Variants in MYT1L observed in about 807,000 individuals in gnomAD.
MYT1L encodes myelin transcription factor 1 like.
MYT1L carries 12 observed loss-of-function variants against 126.7 expected under a neutral mutation model. The observed-to-expected ratio is 0.09, with a 90% CI of 0.06 to 0.15. The LOEUF (loss-of-function observed/expected upper bound fraction) is 0.15, where lower values mean the gene tolerates loss of function less well. Among genes scored for constraint, MYT1L ranks in the 10% least tolerant of loss-of-function variants. The probability of loss-of-function intolerance (pLI) is 1.00; values close to 1 mark genes in which losing one functional copy is unlikely to be tolerated. For synonymous variants in MYT1L, 541 were observed against 604.2 expected (o/e 0.90, Z 1.53); for missense variants, 979 against 1,585.2 (o/e 0.62, Z 6.49).
intron 1 of MYT1L, among the ~76,000 whole-genome samples, chr2:2,293,351 C>T (rs1412663685): frequency 2.6e-5 from 4 of 152,176 alleles, no homozygotes; most frequent in South Asian, 2.1e-4. Flanking sequence ...TTCAGAGCTC[C>T]GTCCCCAGTG....
chr2:2,023,592 T>A (rs192252347), intron 4 of MYT1L, among the ~76,000 whole-genome samples: 1 of 149,476 alleles, frequency 6.7e-6, no homozygotes, highest in African/African-American at 2.5e-5. Flanking sequence ...TCGGAGCAGC[T>A]CCCCTGCCCT....
chr2:2,236,076 A>C (rs956572527), intron 2 of MYT1L, among the ~76,000 whole-genome samples: 1 of 151,448 alleles, frequency 6.6e-6, no homozygotes, highest in African/African-American at 2.4e-5. Flanking sequence ...TTACATCCCA[A>C]CCCAACCCAG....
intron 3 of MYT1L, among the ~76,000 whole-genome samples, chr2:2,169,626 T>C (rs2089700570): frequency 6.6e-6 from 1 of 152,196 alleles, no homozygotes; most frequent in African/African-American, 2.4e-5. Flanking sequence ...CCATGTTTGC[T>C]ATGGTTTTTT....
At chr2:2,032,749 A>C (rs2066487945) in intron 4 of MYT1L, among the ~76,000 whole-genome samples, 4 of 99,656 alleles carry the variant, frequency 4.0e-5, no homozygotes, top group African/African-American at 8.3e-5. Context: ...ACCCGTCGCC[A>C]GTGCCTCTCA....
intron 1 of MYT1L, chr2:2,326,566 G>C (rs10187946): frequency 0.27 from 38,772 of 144,640 alleles, 5,153 homozygotes; most frequent in South Asian, 0.42. Context: ...ATTCCCCCCC[G>C]CCAACTTTTC....
At chr2:2,303,629 C>T (rs1004676108) in intron 1 of MYT1L, 1 of 152,144 alleles carries the variant, frequency 6.6e-6, no homozygotes. Flanking sequence ...CTCAGCAGGC[C>T]CCACTGGATA....
intron 8 of MYT1L, among the ~76,000 whole-genome samples, chr2:1,978,279 G>C (rs556555688): frequency 6.6e-6 from 1 of 152,198 alleles, no homozygotes; most frequent in Non-Finnish European, 1.5e-5. Context: ...TTGTGACCTG[G>C]GTCTGCTCAC....
intron 4 of MYT1L, among the ~76,000 whole-genome samples, chr2:2,003,207 T>C (rs540715206): frequency 6.6e-6 from 1 of 152,274 alleles, no homozygotes; most frequent in Non-Finnish European, 1.5e-5. Flanking sequence ...ATGGGGGGCA[T>C]CTGTGCTTCT....
At chr2:2,166,452 G>C (rs1386350439) in intron 3 of MYT1L, among the ~76,000 whole-genome samples, 1 of 152,200 alleles carries the variant, frequency 6.6e-6, no homozygotes, top group Admixed American at 6.5e-5. Flanking sequence ...ATTATAATGA[G>C]GGGAGAAGGG....
chr2:2,181,011 T>C (rs1420495817), intron 2 of MYT1L, among the ~76,000 whole-genome samples: 1 of 151,586 alleles, frequency 6.6e-6, no homozygotes, highest in Admixed American at 6.6e-5. Flanking sequence ...TGTACCTGTG[T>C]GTGCACCTGT....
Position 1,922,537 on chromosome 2 carries a change from T to G in MYT1L, c.1232A>C (p.Asp411Ala), listed in dbSNP as rs767919268. 6.2e-7 allele frequency: 1 copy of G among 1,613,942 alleles called. No individual in the cohort carries two copies. Among genetic ancestry groups the G allele is most frequent in the Non-Finnish European group, 8.5e-7 (1 of 1,179,886 alleles). ...CCTGTCCGAGTTCACAGAGGTGGTA[T>G]CGTCGTCCCGCTCATGACACCCATC... ...KEDGCHERDD[D>A]TTSVNSDRSE... The change falls in exon 10 of 25, where the codon GAT becomes GCT. Residue 411 changes from aspartate (D) to alanine (A), a missense_variant. Around this residue, in one of 12 missense-constraint regions of MYT1L, gnomAD observed 243 missense variants for 363.9 expected, o/e 0.67. Coordinates refer to ENST00000647738, the MANE Select transcript of MYT1L (RefSeq NM_001303052.2). This position sits in a 1 kb window ranked among gnomAD's most constrained non-coding sequence, Gnocchi z 7.4.
chr2:2,030,004 A>C (rs1445223284), intron 4 of MYT1L, among the ~76,000 whole-genome samples: 1 of 152,202 alleles, frequency 6.6e-6, no homozygotes, highest in African/African-American at 2.4e-5. Context: ...TGTACAATTT[A>C]GTGTATTTTA....
chr2:2,150,320 G>A (rs2085548555), intron 3 of MYT1L, among the ~76,000 whole-genome samples: 1 of 152,128 alleles, frequency 6.6e-6, no homozygotes, highest in Non-Finnish European at 1.5e-5. Flanking sequence ...ACATGTATGG[G>A]CAATATATGT....
intron 4 of MYT1L, among the ~76,000 whole-genome samples, chr2:2,014,761 C>T (rs1214248162): frequency 6.6e-6 from 1 of 152,160 alleles, no homozygotes; most frequent in Non-Finnish European, 1.5e-5. Flanking sequence ...CTGGGGCGAG[C>T]AAGAGGACTA....
chr2:1,894,640 T>C (rs2049349960), intron 14 of MYT1L, among the ~76,000 whole-genome samples: 1 of 152,098 alleles, frequency 6.6e-6, no homozygotes, highest in Admixed American at 6.5e-5. Context: ...CACTTTTGTT[T>C]TGAAATGAGG....
chr2:1,895,864 C>G (rs1168449918), intron 14 of MYT1L, among the ~76,000 whole-genome samples: 1 of 152,174 alleles, frequency 6.6e-6, no homozygotes, highest in Non-Finnish European at 1.5e-5. Flanking sequence ...AAAAGAGCTT[C>G]TGCACAGCAA....
chr2:1,900,953 T>C (rs866755657), intron 14 of MYT1L, among the ~76,000 whole-genome samples: 2 of 152,048 alleles, frequency 1.3e-5, no homozygotes, highest in African/African-American at 4.8e-5. Flanking sequence ...CGCCACAGAG[T>C]GCGTCCTCAC....
chr2:1,970,253 A>G lies in MYT1L; in HGVS notation c.152+8912T>C, dbSNP rs544461320. ...TGTGAGTGACACTGGTAATAAGAGC[A>G]GGTGGACAGCCCCAGATAGGGGACT... On this transcript the variant is annotated intron_variant, in intron 8 of 24. Transcript: ENST00000647738. Among the ~76,000 whole-genome samples the G allele has an allele frequency of 2.0e-5, 3 of 152,274 alleles. No homozygotes were observed. In the South Asian group the frequency reaches 6.2e-4, roughly 32 times the overall value.
chr2:1,798,704 G>A (rs1297888281), intron 23 of MYT1L, among the ~76,000 whole-genome samples: 1 of 152,236 alleles, frequency 6.6e-6, no homozygotes, highest in East Asian at 1.9e-4. Context: ...GTGCGGGCCT[G>A]AGAGGCACGG....
Sources: allele counts gnomAD v4.1 joint callset (sites outside exome capture counted in the v4.1 genomes callset), GRCh38; gene constraint gnomAD v4.1.1; regional missense constraint gnomAD v4.1.1; non-coding constraint Gnocchi (gnomAD v3.1); transcripts MANE v1.5; gene names NCBI Gene and HGNC (gene_info 2026-07-23, HGNC 2026-07-21).